Variants in PLPPR1 observed in about 807,000 individuals in gnomAD.
PLPPR1 encodes phospholipid phosphatase-related protein type 1.
Under a neutral mutation model 33.1 loss-of-function variants are expected in PLPPR1, and 10 were observed. The ratio of observed to expected loss-of-function variants is 0.30; its 90% CI spans 0.19 to 0.51. The LOEUF is 0.51. Ranked by LOEUF, PLPPR1 falls within the 20% of genes least tolerant of loss-of-function variation. The probability of loss-of-function intolerance (pLI) is 0.97; values close to 1 mark genes in which losing one functional copy is unlikely to be tolerated. For synonymous variants in PLPPR1, 151 were observed against 151.0 expected, an observed-to-expected ratio of 1.00 and a Z score of 0.00; for missense variants, 304 against 408.1, an observed-to-expected ratio of 0.74 and a Z score of 2.20.
At chr9:101,053,292 G>A (rs777198748) in intron 1 of PLPPR1, among the ~76,000 whole-genome samples, 2 of 152,056 alleles carry the variant, frequency 1.3e-5, no homozygotes, top group Non-Finnish European at 2.9e-5. Context: ...ATGTCGTCAA[G>A]CCCTCCATTA....
intron 3 of PLPPR1, among the ~76,000 whole-genome samples, chr9:101,272,087 T>G (rs959093206): frequency 2.0e-5 from 3 of 152,174 alleles, no homozygotes; most frequent in African/African-American, 7.2e-5. Context: ...AAGTTGTATA[T>G]ACAATTCTGT....
intron 1 of PLPPR1, among the ~76,000 whole-genome samples, chr9:101,120,664 A>G (rs1450311621): frequency 6.6e-6 from 1 of 152,324 alleles, no homozygotes; most frequent in Non-Finnish European, 1.5e-5. Flanking sequence ...ACACCACCAT[A>G]TGCTCCCCTC....
At chr9:101,256,309 C>A (rs987162308) in intron 2 of PLPPR1, among the ~76,000 whole-genome samples, 1 of 152,050 alleles carries the variant, frequency 6.6e-6, no homozygotes, top group African/African-American at 2.4e-5. Context: ...TTTGCTTACA[C>A]GTTCATAGAA....
intron 4 of PLPPR1, among the ~76,000 whole-genome samples, chr9:101,287,222 A>G (rs1346269413): frequency 6.6e-6 from 1 of 152,216 alleles, no homozygotes; most frequent in African/African-American, 2.4e-5. Context: ...AGTCTCAGGC[A>G]TTTGATGTTA....
intron 1 of PLPPR1, among the ~76,000 whole-genome samples, chr9:101,058,398 T>A (rs1830304404): frequency 6.6e-6 from 1 of 152,120 alleles, no homozygotes; most frequent in Admixed American, 6.6e-5. Context: ...AGGTCCTGCC[T>A]GAACAGATGG....
intron 2 of PLPPR1, among the ~76,000 whole-genome samples, chr9:101,243,978 G>A (rs1191684239): frequency 6.6e-6 from 1 of 151,814 alleles, no homozygotes; most frequent in East Asian, 1.9e-4. Context: ...TGCACATGAG[G>A]AGAATTGATG....
intron 1 of PLPPR1, among the ~76,000 whole-genome samples, chr9:101,110,741 G>A (rs1165452060): frequency 6.6e-6 from 1 of 152,106 alleles, no homozygotes; most frequent in East Asian, 1.9e-4. Context: ...TACATCTAAA[G>A]TGCAGGGTGG....
intron 1 of PLPPR1, among the ~76,000 whole-genome samples, chr9:101,037,318 G>C (rs1473995754): frequency 6.6e-6 from 1 of 151,924 alleles, no homozygotes; most frequent in Non-Finnish European, 1.5e-5. Context: ...TTTTTCTCTG[G>C]GTATTATGGC....
chr9:101,090,692 T>C (rs112135607), intron 1 of PLPPR1, among the ~76,000 whole-genome samples: 8,093 of 152,030 alleles, frequency 0.053, 385 homozygotes, highest in African/African-American at 0.12. Context: ...CTCTCCAGCC[T>C]GGACGACAGA....
intron 1 of PLPPR1, among the ~76,000 whole-genome samples, chr9:101,145,556 G>A (rs550563450): frequency 2.6e-5 from 4 of 151,726 alleles, no homozygotes; most frequent in African/African-American, 9.7e-5. Context: ...TAATTTTTGT[G>A]TTTTTAGTAG....
At chr9:101,250,820 G>A (rs982005150) in intron 2 of PLPPR1, among the ~76,000 whole-genome samples, 3 of 152,034 alleles carry the variant, frequency 2.0e-5, no homozygotes, top group African/African-American at 7.2e-5. Context: ...GATAGATTTG[G>A]GGACTAAACT....
At chr9:101,101,333 T>C (rs1830895794) in intron 1 of PLPPR1, among the ~76,000 whole-genome samples, 1 of 152,110 alleles carries the variant, frequency 6.6e-6, no homozygotes, top group Non-Finnish European at 1.5e-5. Flanking sequence ...TATTTATCAT[T>C]CTTTTATTTA....
In PLPPR1 at chr9:101,108,051, C is replaced by T. The variant is rs913100676; in HGVS notation, c.-45-77399C>T. 4.1e-4 allele frequency among the ~76,000 whole-genome samples: 61 copies of T among 149,612 alleles called. 1 individual carries two copies. The highest frequency in any genetic ancestry group is 7.4e-5 in the Non-Finnish European group (5 of 67,562). On this transcript the variant is annotated intron_variant, in intron 1 of 7. Transcript: ENST00000374874. ...ACACTGGCCTGCGCCCACTGTCTGG[C>T]ACTCCCTAGTGAGATGAACCCGGTA...
In PLPPR1 at chr9:101,125,282, A is replaced by G. The variant is rs559790559; in HGVS notation, c.-45-60168A>G. Among the ~76,000 whole-genome samples the G allele has an allele frequency of 3.3e-5, 5 of 151,766 alleles. No individual in the cohort carries two copies. In the Middle Eastern group the frequency reaches 0.01, roughly 310 times the overall value. On this transcript the variant is annotated intron_variant, in intron 1 of 7. Coordinates refer to ENST00000374874, the MANE Select transcript of PLPPR1 (RefSeq NM_207299.2). ...TTTATCTCTATCTCTATTTATCTCC[A>G]CTTTACGTACTTGTCTCTACTTTAC...
At chr9:101,223,579 A>G (rs1445904525) in intron 2 of PLPPR1, among the ~76,000 whole-genome samples, 1 of 152,118 alleles carries the variant, frequency 6.6e-6, no homozygotes, top group African/African-American at 2.4e-5. Context: ...GGTGGAGGTA[A>G]TTGAATTATG....
intron 1 of PLPPR1, among the ~76,000 whole-genome samples, chr9:101,075,364 G>A (rs777163194): frequency 2.0e-5 from 3 of 152,148 alleles, no homozygotes; most frequent in Non-Finnish European, 4.4e-5. Context: ...GGTAGAGTAA[G>A]CATAATATTA....
intron 1 of PLPPR1, among the ~76,000 whole-genome samples, chr9:101,117,368 A>C (rs1316331496): frequency 6.6e-6 from 1 of 152,132 alleles, no homozygotes; most frequent in Non-Finnish European, 1.5e-5. Flanking sequence ...ATTATACACT[A>C]ATTATAATGT....
chr9:101,259,637 T>C (rs1827861091), intron 2 of PLPPR1, among the ~76,000 whole-genome samples: 1 of 152,162 alleles, frequency 6.6e-6, no homozygotes, highest in Non-Finnish European at 1.5e-5. Flanking sequence ...GCCTATGATA[T>C]AGCCTGAGGA....
At chr9:101,303,065 C>T (rs1402253654) in intron 4 of PLPPR1, among the ~76,000 whole-genome samples, 2 of 152,142 alleles carry the variant, frequency 1.3e-5, no homozygotes, top group African/African-American at 4.8e-5. Flanking sequence ...CAGCTCACTG[C>T]AACCTCCGCC....
Sources: allele counts gnomAD v4.1 joint callset (sites outside exome capture counted in the v4.1 genomes callset), GRCh38; gene constraint gnomAD v4.1.1; transcripts MANE v1.5; gene names NCBI Gene and HGNC (gene_info 2026-07-23, HGNC 2026-07-21).